Variants in PPP1CB observed in about 807,000 individuals in gnomAD.
PPP1CB encodes the protein serine/threonine-protein phosphatase PP1-beta catalytic subunit.
PPP1CB carries 2 observed loss-of-function variants against 43.7 expected under a neutral mutation model. The observed-to-expected ratio is 0.05, with a 90% CI of 0.02 to 0.14. The LOEUF (loss-of-function observed/expected upper bound fraction) is 0.14. Among genes scored for constraint, PPP1CB ranks in the 10% least tolerant of loss-of-function variants. The probability of loss-of-function intolerance (pLI) is 1.00; values close to 1 mark genes in which losing one functional copy is unlikely to be tolerated. For missense variants in PPP1CB, 84 were observed against 398.0 expected, an observed-to-expected ratio of 0.21 and a Z score of 6.71; for synonymous variants, 136 against 135.6, an observed-to-expected ratio of 1.00 and a Z score of -0.02.
At chr2:28,798,353 T>C (rs1464398647) in intron 7 of PPP1CB, among the ~76,000 whole-genome samples, 1 of 152,108 alleles carries the variant, frequency 6.6e-6, no homozygotes, top group African/African-American at 2.4e-5. Context: ...CCTCTAGGTA[T>C]ATACCCAAGA....
At chr2:28,778,169 T>C (rs1572458411) in intron 2 of PPP1CB, among the ~76,000 whole-genome samples, 1 of 152,242 alleles carries the variant, frequency 6.6e-6, no homozygotes, top group African/African-American at 2.4e-5. Context: ...ATGGAAGTTA[T>C]TTGTACTACA....
chr2:28,788,225 T>G (rs1369500368), intron 5 of PPP1CB, among the ~76,000 whole-genome samples: 1 of 152,194 alleles, frequency 6.6e-6, no homozygotes, highest in African/African-American at 2.4e-5. Context: ...TAGTCTGTTA[T>G]TGGCTCAGGG....
intron 3 of PPP1CB, among the ~76,000 whole-genome samples, chr2:28,779,352 A>T (rs1384430441): frequency 6.6e-6 from 1 of 152,192 alleles, no homozygotes; most frequent in Non-Finnish European, 1.5e-5. Context: ...AGTGTCCATT[A>T]AGGTTTTAAC....
chr2:28,780,095 T>G (rs1227477477), intron 3 of PPP1CB, among the ~76,000 whole-genome samples: 1 of 110,978 alleles, frequency 9.0e-6, no homozygotes, highest in Non-Finnish European at 1.7e-5. Context: ...TTTTTTTTTT[T>G]TTTTTTTTTT....
chr2:28,795,950 C>T lies in PPP1CB; in HGVS notation c.879+1953C>T, dbSNP rs1370915918. Among the ~76,000 whole-genome samples, 10 of 152,026 alleles carry T rather than the reference C, an allele frequency of 6.6e-5. No homozygotes were observed. The East Asian group carries it at 1.9e-3, about 29-fold the overall frequency. ...AGGTCTTATATTTAAATCTTTAATC[C>T]ATCTTGAGTTAATTTTTGTGTATGG... On this transcript the variant is annotated intron_variant, in intron 7 of 7. Coordinates refer to ENST00000395366, the MANE Select transcript of PPP1CB (RefSeq NM_002709.3).
chr2:28,763,204 A>T (rs996650801), intron 1 of PPP1CB, among the ~76,000 whole-genome samples: 24 of 152,194 alleles, frequency 1.6e-4, no homozygotes, highest in Non-Finnish European at 2.9e-4. Context: ...TTTCCATTTT[A>T]TCATGTAGAT....
At chr2:28,779,803 A>G (rs1297711901) in intron 3 of PPP1CB, among the ~76,000 whole-genome samples, 1 of 152,194 alleles carries the variant, frequency 6.6e-6, no homozygotes, top group Non-Finnish European at 1.5e-5. Context: ...CTTGATTTAT[A>G]TAATGATTTG....
chr2:28,795,345 G>A (rs1433371921), intron 7 of PPP1CB, among the ~76,000 whole-genome samples: 1 of 152,106 alleles, frequency 6.6e-6, no homozygotes, highest in Non-Finnish European at 1.5e-5. Flanking sequence ...CCAAAGTAGT[G>A]GGATTGCTGG....
chr2:28,793,299 C>T (rs1465899488), intron 6 of PPP1CB, among the ~76,000 whole-genome samples: 1 of 152,140 alleles, frequency 6.6e-6, no homozygotes, highest in African/African-American at 2.4e-5. Flanking sequence ...GTAATGTTTT[C>T]AGTGTGTAGC....
chr2:28,799,474 A>G lies in PPP1CB; in HGVS notation c.*171A>G, dbSNP rs1667562844. 1 of 535,166 alleles carries G rather than the reference A, an allele frequency of 1.9e-6. No individual in the cohort carries two copies. The highest frequency in any genetic ancestry group is 1.9e-5 in the African/African-American group (1 of 51,688). 33.2% of individuals were successfully genotyped at this position (535,166 alleles called of 1,614,324 possible). ...TTTTTTTCTAATAGAAAGATGTGCT[A>G]CACTGTATTGTAATAAGTATACTCT... On this transcript the variant is annotated 3_prime_UTR_variant, in exon 8 of 8. Transcript: ENST00000395366.
intron 6 of PPP1CB, 74 bp downstream of exon 6, chr2:28,788,883 A>T: frequency 7.2e-7 from 1 of 1,394,714 alleles, no homozygotes; most frequent in East Asian, 2.4e-5. Context: ...GGGCAGACAG[A>T]TTCTTGTTCT....
chr2:28,765,873 T>G (rs987227683), intron 1 of PPP1CB, among the ~76,000 whole-genome samples: 1 of 152,180 alleles, frequency 6.6e-6, no homozygotes, highest in Non-Finnish European at 1.5e-5. Flanking sequence ...ACCACTGCAC[T>G]CTGGCCTGGG....
chr2:28,766,766 A>G (rs996060386), intron 1 of PPP1CB, among the ~76,000 whole-genome samples: 10 of 152,214 alleles, frequency 6.6e-5, no homozygotes, highest in African/African-American at 2.4e-4. Flanking sequence ...CCGTTTTTAC[A>G]GAAAGGCTAA....
intron 7 of PPP1CB, among the ~76,000 whole-genome samples, chr2:28,794,843 A>G (rs1667465518): frequency 6.6e-6 from 1 of 152,002 alleles, no homozygotes; most frequent in African/African-American, 2.4e-5. Flanking sequence ...TTTTATTATA[A>G]TATTTTTATT....
intron 1 of PPP1CB, among the ~76,000 whole-genome samples, chr2:28,761,652 TTC>T (rs1464504302): frequency 6.6e-6 from 1 of 152,246 alleles, no homozygotes; most frequent in Non-Finnish European, 1.5e-5. Flanking sequence ...TTCCTCCACT[TTC>T]TGTTTATTGC....
At position 28,751,996 on chromosome 2, in the gene PPP1CB, G is replaced by A. The variant is rs1666299793; in HGVS notation, c.-129G>A. ...GGGGTGGGGGGAGGGCCCGGGAAAA[G>A]GGGGAGTTGGAGCCGGGGTCGAAAC... On this transcript the variant is annotated 5_prime_UTR_variant, in exon 1 of 8. Transcript: ENST00000395366. The A allele has an allele frequency of 4.6e-6, 4 of 873,352 alleles. No individual in the cohort carries two copies. The highest frequency in any genetic ancestry group is 2.8e-5 in the South Asian group (2 of 70,526). 54.1% of individuals were successfully genotyped at this position (873,352 alleles called of 1,614,324 possible). A position where few individuals can be genotyped will look rare whatever the true frequency, so the allele number is the denominator to read the frequency against.
Position 28,752,063 on chromosome 2 carries a change from C to G in PPP1CB, c.-62C>G, listed in dbSNP as rs1666304295. 6.7e-7 allele frequency: 1 copy of G among 1,500,768 alleles called. No homozygotes were observed. The highest frequency in any genetic ancestry group is 1.4e-5 in the African/African-American group (1 of 71,854). 93.0% of individuals were successfully genotyped at this position (1,500,768 alleles called of 1,614,324 possible). Reference sequence around the variant, plus strand: ...GTGAGAGAACGCCGAGCCGTCGCCGCAGCCTCCGCCGCCGAGAAGCCCTTG... The same window carrying G: ...GTGAGAGAACGCCGAGCCGTCGCCGGAGCCTCCGCCGCCGAGAAGCCCTTG... On this transcript the variant is annotated 5_prime_UTR_variant, in exon 1 of 8. Coordinates refer to ENST00000395366, the MANE Select transcript of PPP1CB (RefSeq NM_002709.3).
chr2:28,755,445 T>C (rs571777980), intron 1 of PPP1CB, among the ~76,000 whole-genome samples: 1 of 152,236 alleles, frequency 6.6e-6, no homozygotes, highest in South Asian at 2.1e-4. Flanking sequence ...GCATATTCTT[T>C]CGGTATGTTT....
At chr2:28,757,641 C>T (rs1293295602) in intron 1 of PPP1CB, among the ~76,000 whole-genome samples, 4 of 152,014 alleles carry the variant, frequency 2.6e-5, no homozygotes, top group African/African-American at 9.7e-5. Flanking sequence ...GGAGATCACC[C>T]GAGGAATATT....
Sources: gnomAD v4.1 joint callset for allele counts (sites outside exome capture counted in the v4.1 genomes callset) on GRCh38, gnomAD v4.1.1 for gene constraint, MANE v1.5 for transcripts, NCBI Gene and HGNC (gene_info 2026-07-23, HGNC 2026-07-21) for gene names.